INSYN2B: variants seen among roughly 807,000 people sequenced by gnomAD.
INSYN2B encodes inhibitory synaptic factor family member 2B.
Under a neutral mutation model 41.2 loss-of-function variants are expected in INSYN2B, and 16 were observed. That is an observed-to-expected ratio of 0.39 (90% CI 0.26 to 0.59). INSYN2B has a LOEUF of 0.59. Among genes scored for constraint, INSYN2B ranks in the 20% least tolerant of loss-of-function variants. The probability of loss-of-function intolerance (pLI) is 0.57; values close to 1 mark genes in which losing one functional copy is unlikely to be tolerated. For missense variants in INSYN2B, 608 were observed against 646.4 expected (o/e 0.94, Z 0.64); for synonymous variants, 245 against 244.4 (o/e 1.00, Z -0.02).
At chr5:169,910,955 G>T (rs577664190) in intron 1 of INSYN2B, among the ~76,000 whole-genome samples, 3 of 152,062 alleles carry the variant, frequency 2.0e-5, no homozygotes, top group Non-Finnish European at 4.4e-5. Flanking sequence ...TATATCTGGG[G>T]TATGAGCCAC....
chr5:169,882,886 T>C lies in INSYN2B; in HGVS notation c.1013A>G (p.Asn338Ser). The part of the protein sequence containing the change: ...DCPSSSNNHQ[N>S]LVSLKTNSAS... ...ACTGTTAGTTTTGAGTGACACCAGA[T>C]TCTGGTGATTGTTACTTGATGAAGG... The change falls in exon 2 of 4, where the codon AAT becomes AGT. Residue 338 changes from asparagine (N) to serine (S), a missense_variant. Asn to Ser is a conservative substitution (Grantham distance 46). Transcript: ENST00000377365. 6.4e-7 allele frequency: 1 copy of C among 1,551,730 alleles called. No individual in the cohort carries two copies. Among genetic ancestry groups the C allele is most frequent in the East Asian group, 2.4e-5 (1 of 40,898 alleles).
intron 1 of INSYN2B, among the ~76,000 whole-genome samples, chr5:169,971,599 G>A (rs1458857559): frequency 1.3e-5 from 2 of 152,168 alleles, no homozygotes; most frequent in Non-Finnish European, 2.9e-5. Context: ...AAAAGCCAGA[G>A]TGTGATGATT....
At chr5:169,910,957 A>G (rs1449240399) in intron 1 of INSYN2B, among the ~76,000 whole-genome samples, 1 of 152,140 alleles carries the variant, frequency 6.6e-6, no homozygotes. Flanking sequence ...TATCTGGGGT[A>G]TGAGCCACTT....
rs566024016 is a variant in INSYN2B, at chr5:169,958,266, C to T, written c.-919+22011G>A. 5.9e-5 allele frequency among the ~76,000 whole-genome samples: 9 copies of T among 152,092 alleles called. No individual in the cohort carries two copies. In the South Asian group the frequency reaches 1.7e-3, roughly 28 times the overall value. ...CACCTACCCCATTTATACTTTACTG[C>T]ACTGTTATTAATAAGAAGCTTATGA... On this transcript the variant is annotated intron_variant, in intron 1 of 3. Coordinates refer to ENST00000377365, the MANE Select transcript of INSYN2B (RefSeq NM_001129891.3).
intron 1 of INSYN2B, among the ~76,000 whole-genome samples, chr5:169,908,827 G>C (rs1774439411): frequency 6.7e-6 from 1 of 149,068 alleles, no homozygotes; most frequent in African/African-American, 2.5e-5. Flanking sequence ...CAATTCTCCT[G>C]CCTCAGCCTC....
chr5:169,960,929 A>G (rs1210450382), intron 1 of INSYN2B, among the ~76,000 whole-genome samples: 1 of 152,246 alleles, frequency 6.6e-6, no homozygotes, highest in Non-Finnish European at 1.5e-5. Context: ...TATAGGGTTC[A>G]GTATAGGCTA....
rs1262898769 is a variant in INSYN2B at position 169,929,632 on chromosome 5, AC to A, written c.-918-44817del. On this transcript the variant is annotated intron_variant, in intron 1 of 3. Coordinates refer to ENST00000377365, the MANE Select transcript of INSYN2B (RefSeq NM_001129891.3). ...GTGGCACATGCCTGTAGTCCCTGCT[AC>A]TCGGAGGCTGAGGCAGGAGAATCAC... 3.3e-5 allele frequency among the ~76,000 whole-genome samples: 5 copies of A among 151,678 alleles called. No individual in the cohort carries two copies. In the East Asian group the frequency reaches 9.7e-4, roughly 29 times the overall value.
rs1771387767 is a variant in INSYN2B at position 169,864,183 on chromosome 5, C to T, written c.*90G>A. 1 of 1,211,128 alleles carries T rather than the reference C, an allele frequency of 8.3e-7. No homozygotes were observed. The highest frequency in any genetic ancestry group is 1.2e-6 in the Non-Finnish European group (1 of 846,004). 75.0% of individuals were successfully genotyped at this position (1,211,128 alleles called of 1,614,324 possible). On this transcript the variant is annotated 3_prime_UTR_variant, in exon 4 of 4. Coordinates refer to ENST00000377365, the MANE Select transcript of INSYN2B (RefSeq NM_001129891.3). ...AGGGGCTCACAGCCCAGGGCCTTTG[C>T]AAAGAAGCAGGGCAGGCCTTAAGTG...
At chr5:169,911,134 T>C (rs892019809) in intron 1 of INSYN2B, among the ~76,000 whole-genome samples, 1 of 152,248 alleles carries the variant, frequency 6.6e-6, no homozygotes, top group Non-Finnish European at 1.5e-5. Flanking sequence ...TTAATGTTTT[T>C]ATTTTATTTT....
chr5:169,868,082 C>G (rs1467866811), intron 3 of INSYN2B, among the ~76,000 whole-genome samples: 1 of 152,072 alleles, frequency 6.6e-6, no homozygotes, highest in African/African-American at 2.4e-5. Context: ...GAGTGGGTAC[C>G]CCCTCTAAGA....
intron 3 of INSYN2B, among the ~76,000 whole-genome samples, chr5:169,868,621 G>A (rs1425834772): frequency 6.6e-6 from 1 of 152,126 alleles, no homozygotes; most frequent in Non-Finnish European, 1.5e-5. Context: ...AGCCATGTGT[G>A]GTGGTGTGCA....
chr5:169,874,516 A>G (rs1482284505), intron 3 of INSYN2B, among the ~76,000 whole-genome samples: 1 of 151,602 alleles, frequency 6.6e-6, no homozygotes, highest in African/African-American at 2.4e-5. Flanking sequence ...AGCTTCATGC[A>G]TGGTCCTTGG....
intron 1 of INSYN2B, among the ~76,000 whole-genome samples, chr5:169,959,231 A>G (rs1359016320): frequency 6.6e-6 from 1 of 152,054 alleles, no homozygotes; most frequent in Admixed American, 6.6e-5. Context: ...TCTGTACTAA[A>G]AATACAAAAA....
At chr5:169,920,127 T>A (rs1775092003) in intron 1 of INSYN2B, among the ~76,000 whole-genome samples, 1 of 152,156 alleles carries the variant, frequency 6.6e-6, no homozygotes, top group African/African-American at 2.4e-5. Flanking sequence ...CTTTTTGAGA[T>A]TTAGCGTCTC....
rs2113460956 is a variant in INSYN2B at position 169,871,873 on chromosome 5, G to T, written c.1422-7414C>A. 1.3e-5 allele frequency among the ~76,000 whole-genome samples: 2 copies of T among 152,244 alleles called. 1 individual carries two copies. The highest frequency in any genetic ancestry group is 6.8e-3 in the Middle Eastern group (2 of 294). On this transcript the variant is annotated intron_variant, in intron 3 of 3. Coordinates refer to ENST00000377365, the MANE Select transcript of INSYN2B (RefSeq NM_001129891.3). ...ATTTCAGGGCAGCCTTGAAAGGGAG[G>T]CTGCATACCCAAAAAAGGTGCTCTC... is the stretch of plus-strand genomic sequence containing the variant.
intron 1 of INSYN2B, among the ~76,000 whole-genome samples, chr5:169,926,462 T>C (rs7700558): frequency 0.037 from 5,699 of 152,272 alleles, 328 homozygotes; most frequent in African/African-American, 0.13. Context: ...ATGGTCTGCA[T>C]TGATCTTCTG....
intron 1 of INSYN2B, among the ~76,000 whole-genome samples, chr5:169,903,774 C>T (rs1774101964): frequency 6.6e-6 from 1 of 151,906 alleles, no homozygotes; most frequent in Admixed American, 6.6e-5. Context: ...TTGGACTTAA[C>T]CCTAAGAGCA....
chr5:169,913,490 TG>T (rs2113627280), intron 1 of INSYN2B, among the ~76,000 whole-genome samples: 1 of 152,364 alleles, frequency 6.6e-6, no homozygotes, highest in African/African-American at 2.4e-5. Flanking sequence ...TATTTTCTAC[TG>T]GCTTCTTTGA....
intron 1 of INSYN2B, among the ~76,000 whole-genome samples, chr5:169,904,312 C>T (rs1774147786): frequency 7.3e-6 from 1 of 137,548 alleles, no homozygotes; most frequent in Non-Finnish European, 1.6e-5. Context: ...GTTGTCCCTT[C>T]CTTTTTCTTG....
Sources: gnomAD v4.1 joint callset for allele counts (sites outside exome capture counted in the v4.1 genomes callset) on GRCh38, gnomAD v4.1.1 for gene constraint, MANE v1.5 for transcripts, NCBI Gene and HGNC (gene_info 2026-07-23, HGNC 2026-07-21) for gene names.